The following CSMD1 variants were observed in gnomAD, a reference collection of about 807,000 sequenced individuals.
The protein encoded by CSMD1 is CUB and sushi domain-containing protein 1.
CSMD1 carries 213 observed loss-of-function variants against 417.5 expected under a neutral mutation model. The ratio of observed to expected loss-of-function variants is 0.51; its 90% CI spans 0.46 to 0.57. The LOEUF (loss-of-function observed/expected upper bound fraction) is 0.57. CSMD1 is among the 20% of genes least tolerant of loss of function. CSMD1 has a pLI of 0.00. For missense variants in CSMD1, 6,923 were observed against 4,529.7 expected (o/e 1.53, Z -15.17); for synonymous variants, 2,862 against 1,736.8 (o/e 1.65, Z -16.11).
intron 4 of CSMD1, among the ~76,000 whole-genome samples, chr8:4,017,820 G>A (rs184345476): frequency 6.6e-6 from 1 of 152,092 alleles, no homozygotes; most frequent in Non-Finnish European, 1.5e-5. Context: ...CATTTCTGGA[G>A]ATCTCAGCTG....
chr8:3,869,020 C>A (rs1027678427), intron 5 of CSMD1, among the ~76,000 whole-genome samples: 2 of 152,238 alleles, frequency 1.3e-5, no homozygotes, highest in East Asian at 3.9e-4. Context: ...GAAGTAACAG[C>A]TGCAAGCATA....
intron 3 of CSMD1, among the ~76,000 whole-genome samples, chr8:4,090,657 T>C (rs1800669383): frequency 6.6e-6 from 1 of 152,302 alleles, no homozygotes; most frequent in Admixed American, 6.5e-5. Flanking sequence ...GTAATTTAAG[T>C]GAAAGAAAGC....
intron 3 of CSMD1, among the ~76,000 whole-genome samples, chr8:4,292,600 T>C (rs984274134): frequency 6.6e-6 from 1 of 152,124 alleles, no homozygotes; most frequent in Non-Finnish European, 1.5e-5. Flanking sequence ...CACTATAAGA[T>C]TAATACATGT....
At chr8:3,310,725 G>T (rs184355948) in intron 23 of CSMD1, among the ~76,000 whole-genome samples, 3 of 151,466 alleles carry the variant, frequency 2.0e-5, no homozygotes, top group Admixed American at 1.3e-4. Context: ...TGCTAACAGG[G>T]CATCCAGGTC....
chr8:4,122,952 A>C (rs928078271), intron 3 of CSMD1, among the ~76,000 whole-genome samples: 1 of 152,232 alleles, frequency 6.6e-6, no homozygotes, highest in Non-Finnish European at 1.5e-5. Flanking sequence ...ACTGCAAAGC[A>C]GCACTGTGGC....
At chr8:3,923,261 G>A (rs574062754) in intron 5 of CSMD1, among the ~76,000 whole-genome samples, 56 of 152,148 alleles carry the variant, frequency 3.7e-4, no homozygotes, top group African/African-American at 1.3e-3. Context: ...TCTGGTGAGT[G>A]GAGTGTCTGA....
chr8:4,746,060 T>C (rs956647435), intron 1 of CSMD1, among the ~76,000 whole-genome samples: 1 of 152,256 alleles, frequency 6.6e-6, no homozygotes, highest in African/African-American at 2.4e-5. Context: ...AGATAATTTT[T>C]GTTACTGTCA....
chr8:4,085,786 T>C (rs536035653), intron 3 of CSMD1, among the ~76,000 whole-genome samples: 1 of 152,150 alleles, frequency 6.6e-6, no homozygotes, highest in Admixed American at 6.5e-5. Flanking sequence ...GAAGTAAATA[T>C]GTTTATCATA....
At chr8:4,762,629 T>A (rs78437206) in intron 1 of CSMD1, among the ~76,000 whole-genome samples, 1,977 of 152,142 alleles carry the variant, frequency 0.013, 38 homozygotes, top group African/African-American at 0.044. Flanking sequence ...CGCATTTGCA[T>A]AGGACGCAGC....
chr8:3,663,351 G>A (rs183486457), intron 7 of CSMD1, among the ~76,000 whole-genome samples: 2 of 152,088 alleles, frequency 1.3e-5, no homozygotes, highest in East Asian at 1.9e-4. Context: ...TTGGAACATG[G>A]CAAGTTTGAC....
chr8:3,313,884 T>C (rs560139515), intron 23 of CSMD1, among the ~76,000 whole-genome samples: 6 of 152,252 alleles, frequency 3.9e-5, no homozygotes, highest in Non-Finnish European at 8.8e-5. Context: ...TGTCCAACAA[T>C]GATAGACTGG....
intron 5 of CSMD1, among the ~76,000 whole-genome samples, chr8:3,777,485 G>A (rs1411517358): frequency 1.3e-5 from 2 of 152,308 alleles, no homozygotes; most frequent in Admixed American, 6.5e-5. Context: ...GCTACTCTAA[G>A]AGATGATGGG....
At chr8:4,632,385 C>CT (rs34223839) in intron 2 of CSMD1, among the ~76,000 whole-genome samples, 1 of 151,936 alleles carries the variant, frequency 6.6e-6, no homozygotes, top group Non-Finnish European at 1.5e-5. Flanking sequence ...TGGTGGTGCA[C>CT]CCTGTAATCC....
At chr8:4,500,431 C>T (rs565654968) in intron 2 of CSMD1, among the ~76,000 whole-genome samples, 4 of 152,102 alleles carry the variant, frequency 2.6e-5, no homozygotes, top group South Asian at 2.1e-4. Context: ...CAAAAACTTG[C>T]GTAGATCGTG....
chr8:4,775,684 T>A (rs2117166189), intron 1 of CSMD1, among the ~76,000 whole-genome samples: 1 of 152,318 alleles, frequency 6.6e-6, no homozygotes, highest in South Asian at 2.1e-4. Flanking sequence ...GAAAGACTGC[T>A]GGACCAAGGC....
chr8:3,946,016 A>G (rs538288046), intron 5 of CSMD1, among the ~76,000 whole-genome samples: 2 of 152,166 alleles, frequency 1.3e-5, no homozygotes, highest in African/African-American at 2.4e-5. Context: ...AATTTTGCTC[A>G]TAACATTCTA....
intron 5 of CSMD1, among the ~76,000 whole-genome samples, chr8:3,933,404 A>AG (rs1382778173): frequency 2.0e-5 from 3 of 152,214 alleles, no homozygotes; most frequent in Non-Finnish European, 1.5e-5. Context: ...TGAGTCTATC[A>AG]GGACTTGTAT....
intron 2 of CSMD1, among the ~76,000 whole-genome samples, chr8:4,609,872 G>A (rs765325104): frequency 6.6e-6 from 1 of 152,128 alleles, no homozygotes; most frequent in Non-Finnish European, 1.5e-5. Context: ...ATTTAAGAGA[G>A]ATGGGATGCA....
At chr8:4,439,201 G>A (rs1180593394) in intron 2 of CSMD1, among the ~76,000 whole-genome samples, 1 of 151,966 alleles carries the variant, frequency 6.6e-6, no homozygotes, top group Admixed American at 6.6e-5. Context: ...TAAACACATT[G>A]CAAATTTCAT....
Sources: allele counts gnomAD v4.1 joint callset (sites outside exome capture counted in the v4.1 genomes callset), GRCh38; gene constraint gnomAD v4.1.1; transcripts MANE v1.5; gene names NCBI Gene and HGNC (gene_info 2026-07-23, HGNC 2026-07-21).